Variants in ANKS1B observed in about 807,000 individuals in gnomAD.
ANKS1B encodes the protein ankyrin repeat and sterile alpha motif domain containing 1B, also known as ankyrin repeat and sterile alpha motif domain-containing protein 1B.
A neutral mutation model predicts 148.3 loss-of-function variants in ANKS1B; 36 were observed. The observed-to-expected ratio is 0.24, with a 90% CI of 0.19 to 0.32. The LOEUF is 0.32. ANKS1B is among the 10% of genes least tolerant of loss of function. ANKS1B has a pLI of 1.00. For missense variants in ANKS1B, 1,157 were observed against 1,542.6 expected (o/e 0.75, Z 4.19); for synonymous variants, 542 against 560.8 (o/e 0.97, Z 0.47).
intron 4 of ANKS1B, among the ~76,000 whole-genome samples, chr12:99,783,835 A>G (rs1404318781): frequency 6.6e-6 from 1 of 152,124 alleles, no homozygotes. Flanking sequence ...GATAGTTAAC[A>G]ATAATTGATT....
chr12:99,270,881 C>T (rs999542145), intron 12 of ANKS1B, among the ~76,000 whole-genome samples: 1 of 152,026 alleles, frequency 6.6e-6, no homozygotes, highest in Non-Finnish European at 1.5e-5. Flanking sequence ...TTTTAATATG[C>T]GTTAAAACAA....
At chr12:98,795,061 G>A (rs1314748064) in intron 22 of ANKS1B, 5 of 629,264 alleles carry the variant, frequency 7.9e-6, no homozygotes, top group African/African-American at 1.8e-5. Flanking sequence ...TTTACATAAG[G>A]CCACTTAAAT....
At chr12:99,104,170 T>C (rs2058631942) in intron 15 of ANKS1B, among the ~76,000 whole-genome samples, 1 of 152,168 alleles carries the variant, frequency 6.6e-6, no homozygotes, top group Admixed American at 6.5e-5. Flanking sequence ...GGCAGATCTA[T>C]GAGGGGGCTT....
chr12:99,525,566 T>C (rs992382379), intron 9 of ANKS1B, among the ~76,000 whole-genome samples: 1 of 152,154 alleles, frequency 6.6e-6, no homozygotes, highest in Non-Finnish European at 1.5e-5. Context: ...TTGCAGAAAC[T>C]TATTACATTA....
At chr12:99,690,141 G>A (rs2098671119) in intron 8 of ANKS1B, among the ~76,000 whole-genome samples, 1 of 152,092 alleles carries the variant, frequency 6.6e-6, no homozygotes, top group African/African-American at 2.4e-5. Flanking sequence ...CAGATCTCAT[G>A]AGAACTCACT....
At chr12:99,239,032 C>T (rs903777775) in intron 14 of ANKS1B, among the ~76,000 whole-genome samples, 5 of 152,110 alleles carry the variant, frequency 3.3e-5, no homozygotes, top group African/African-American at 7.2e-5. Context: ...TGCAGCTCCT[C>T]GCCAGCAAGT....
chr12:99,022,571 C>T (rs921068969), intron 17 of ANKS1B, among the ~76,000 whole-genome samples: 4 of 152,084 alleles, frequency 2.6e-5, no homozygotes, highest in Non-Finnish European at 4.4e-5. Context: ...TTCACTTCCC[C>T]GCCGTGTCAC....
At chr12:98,748,074 T>C (rs961868246) in intron 26 of ANKS1B, among the ~76,000 whole-genome samples, 21 of 152,220 alleles carry the variant, frequency 1.4e-4, no homozygotes, top group Non-Finnish European at 1.6e-4. Context: ...CAATTTATTG[T>C]ATATTTCAAA....
chr12:99,224,855 CT>C (rs1452217257), intron 14 of ANKS1B, among the ~76,000 whole-genome samples: 6 of 152,150 alleles, frequency 3.9e-5, no homozygotes, highest in African/African-American at 1.4e-4. Context: ...ATCTCATAAT[CT>C]TTCTCATATG....
chr12:99,767,872 CTT>C (rs1397432535), intron 8 of ANKS1B, among the ~76,000 whole-genome samples: 3 of 152,034 alleles, frequency 2.0e-5, no homozygotes, highest in African/African-American at 4.8e-5. Context: ...TAATTTTTAA[CTT>C]ATATTAGTAA....
At chr12:99,687,535 T>C (rs1180824432) in intron 8 of ANKS1B, among the ~76,000 whole-genome samples, 1 of 152,176 alleles carries the variant, frequency 6.6e-6, no homozygotes, top group Non-Finnish European at 1.5e-5. Flanking sequence ...TTCTTCTTTC[T>C]GTACTTCATT....
intron 17 of ANKS1B, among the ~76,000 whole-genome samples, chr12:98,968,137 T>C (rs1310500390): frequency 6.6e-6 from 1 of 152,038 alleles, no homozygotes. Flanking sequence ...GCCAACTAAA[T>C]GAGTATCTCT....
At chr12:99,578,917 G>A (rs1048351276) in intron 9 of ANKS1B, among the ~76,000 whole-genome samples, 1 of 151,964 alleles carries the variant, frequency 6.6e-6, no homozygotes, top group African/African-American at 2.4e-5. Flanking sequence ...AAAGAACAAT[G>A]CCAGTGACAT....
intron 17 of ANKS1B, among the ~76,000 whole-genome samples, chr12:99,000,382 C>G (rs1235081681): frequency 6.6e-6 from 1 of 150,536 alleles, no homozygotes; most frequent in African/African-American, 2.4e-5. Flanking sequence ...AATTCTCTTG[C>G]CTCAGCCTCC....
chr12:98,873,859 C>T (rs962771097), intron 17 of ANKS1B, among the ~76,000 whole-genome samples: 2 of 152,226 alleles, frequency 1.3e-5, no homozygotes, highest in South Asian at 2.1e-4. Context: ...TGCTCTCTTC[C>T]AAAGGGCAGC....
At chr12:99,885,293 A>G (rs969530014) in intron 1 of ANKS1B, among the ~76,000 whole-genome samples, 4 of 149,162 alleles carry the variant, frequency 2.7e-5, no homozygotes, top group African/African-American at 7.4e-5. Context: ...CTCTTATTTC[A>G]TAACACTTCT....
At chr12:99,473,643 A>G (rs140735251) in intron 10 of ANKS1B, among the ~76,000 whole-genome samples, 168 of 152,192 alleles carry the variant, frequency 1.1e-3, no homozygotes, top group African/African-American at 3.8e-3. Flanking sequence ...TGGAAATACA[A>G]CTGGCACCTC....
chr12:98,746,052 G>A (rs945666320), intron 26 of ANKS1B, among the ~76,000 whole-genome samples: 2 of 152,210 alleles, frequency 1.3e-5, no homozygotes, highest in East Asian at 1.9e-4. Context: ...GGGTGACGGT[G>A]AATAAGGCAC....
In ANKS1B at chr12:99,758,220, A is replaced by G. The variant is rs1177319161; in HGVS notation, c.1128+14702T>C. Among the ~76,000 whole-genome samples, 3 of 151,970 alleles carry G rather than the reference A, an allele frequency of 2.0e-5. No individual in the cohort carries two copies. In the East Asian group the frequency reaches 5.8e-4, roughly 29 times the overall value. ...GAATTAAGAGAGACTGATTGCAAAGAAAGGAACAAAAACATTGGTTTGACA... is the reference window on the plus strand; with the variant it reads ...GAATTAAGAGAGACTGATTGCAAAGGAAGGAACAAAAACATTGGTTTGACA... On this transcript the variant is annotated intron_variant, in intron 8 of 26. Transcript: ENST00000683438.
Sources: gnomAD v4.1 joint callset for allele counts (sites outside exome capture counted in the v4.1 genomes callset) on GRCh38, gnomAD v4.1.1 for gene constraint, MANE v1.5 for transcripts, NCBI Gene and HGNC (gene_info 2026-07-23, HGNC 2026-07-21) for gene names.